The following IGF2BP2 variants were observed in gnomAD, a reference collection of about 807,000 sequenced individuals.
IGF2BP2 encodes the protein insulin like growth factor 2 mRNA binding protein 2.
Under a neutral mutation model 75.8 loss-of-function variants are expected in IGF2BP2, and 17 were observed. The ratio of observed to expected loss-of-function variants is 0.22; its 90% CI spans 0.15 to 0.34. The LOEUF (loss-of-function observed/expected upper bound fraction) is 0.34, where lower values mean the gene tolerates loss of function less well. IGF2BP2 is among the 10% of genes least tolerant of loss of function. The probability of loss-of-function intolerance (pLI) is 1.00; values close to 1 mark genes in which losing one functional copy is unlikely to be tolerated. For missense variants in IGF2BP2, 516 were observed against 772.4 expected (o/e 0.67, Z 3.93); for synonymous variants, 288 against 295.6 (o/e 0.97, Z 0.26).
intron 2 of IGF2BP2, among the ~76,000 whole-genome samples, chr3:185,721,680 A>T (rs187295720): frequency 6.6e-6 from 1 of 152,268 alleles, no homozygotes; most frequent in East Asian, 1.9e-4. Flanking sequence ...TATCAGTCTA[A>T]GCCTCAAGTA....
chr3:185,776,621 G>A (rs1240014881), intron 2 of IGF2BP2, among the ~76,000 whole-genome samples: 1 of 152,176 alleles, frequency 6.6e-6, no homozygotes, highest in Non-Finnish European at 1.5e-5. Context: ...TGTGAATCCA[G>A]GGTGAGGGCG....
intron 2 of IGF2BP2, among the ~76,000 whole-genome samples, chr3:185,735,366 G>A (rs970083215): frequency 6.6e-6 from 1 of 152,106 alleles, no homozygotes; most frequent in South Asian, 2.1e-4. Context: ...GGCTGGTCTT[G>A]AACTCCTGAC....
At chr3:185,760,014 G>C (rs1732142318) in intron 2 of IGF2BP2, among the ~76,000 whole-genome samples, 1 of 152,056 alleles carries the variant, frequency 6.6e-6, no homozygotes, top group African/African-American at 2.4e-5. Flanking sequence ...AAATACTTCA[G>C]TATATAAAAG....
intron 2 of IGF2BP2, among the ~76,000 whole-genome samples, chr3:185,721,444 C>A (rs372111866): frequency 6.6e-6 from 1 of 152,078 alleles, no homozygotes; most frequent in African/African-American, 2.4e-5. Flanking sequence ...TCAAGTGATC[C>A]GCCCGCCTCG....
At chr3:185,779,642 C>T (rs549016121) in intron 2 of IGF2BP2, among the ~76,000 whole-genome samples, 23 of 152,132 alleles carry the variant, frequency 1.5e-4, no homozygotes, top group Non-Finnish European at 3.2e-4. Flanking sequence ...GGCCTCATTC[C>T]AAACTTACTG....
At chr3:185,659,584 C>T (rs1191830138) in intron 10 of IGF2BP2, among the ~76,000 whole-genome samples, 2 of 151,550 alleles carry the variant, frequency 1.3e-5, no homozygotes, top group Non-Finnish European at 2.9e-5. Flanking sequence ...CCATGTTGGC[C>T]AGGCTGGTCT....
At chr3:185,666,072 T>C (rs1382545716) in intron 10 of IGF2BP2, among the ~76,000 whole-genome samples, 3 of 152,048 alleles carry the variant, frequency 2.0e-5, no homozygotes, top group Non-Finnish European at 4.4e-5. Flanking sequence ...ACTATGACCC[T>C]AGAATTTCTA....
intron 2 of IGF2BP2, among the ~76,000 whole-genome samples, chr3:185,822,543 C>A (rs1202235007): frequency 6.6e-6 from 1 of 152,040 alleles, no homozygotes; most frequent in Non-Finnish European, 1.5e-5. Context: ...TTATTTTAGC[C>A]GCAAACATTT....
intron 3 of IGF2BP2, 76 bp downstream of exon 3, chr3:185,698,223 T>C (rs1272468810): frequency 1.5e-6 from 2 of 1,331,040 alleles, no homozygotes; most frequent in Non-Finnish European, 2.2e-6. Flanking sequence ...TGAGGCCCTC[T>C]AATTCCTAAA....
At chr3:185,733,537 A>C (rs1728459928) in intron 2 of IGF2BP2, among the ~76,000 whole-genome samples, 1 of 152,208 alleles carries the variant, frequency 6.6e-6, no homozygotes, top group Non-Finnish European at 1.5e-5. Flanking sequence ...CAGGCGGATC[A>C]CCTGAGGTCG....
intron 1 of IGF2BP2, among the ~76,000 whole-genome samples, chr3:185,824,568 C>G (rs1741788191): frequency 7.8e-6 from 1 of 128,626 alleles, no homozygotes; most frequent in African/African-American, 3.1e-5. Context: ...GCTGCGGCCC[C>G]GAGGGCGAGG....
intron 6 of IGF2BP2, among the ~76,000 whole-genome samples, chr3:185,688,490 G>T (rs1162798656): frequency 6.6e-6 from 1 of 152,164 alleles, no homozygotes; most frequent in Non-Finnish European, 1.5e-5. Flanking sequence ...TTACAGGCGT[G>T]AGCCACCACA....
At chr3:185,680,248 T>C (rs529440839) in intron 7 of IGF2BP2, among the ~76,000 whole-genome samples, 21 of 152,146 alleles carry the variant, frequency 1.4e-4, no homozygotes, top group African/African-American at 4.8e-4. Context: ...CCTACCAAGA[T>C]TGAATCATGA....
intron 2 of IGF2BP2, among the ~76,000 whole-genome samples, chr3:185,797,305 C>T (rs574575917): frequency 2.5e-4 from 38 of 152,296 alleles, no homozygotes; most frequent in Middle Eastern, 3.4e-3. Context: ...AGTGTCCTAT[C>T]CAGAGCCACA....
chr3:185,814,527 C>T (rs1475703656), intron 2 of IGF2BP2, among the ~76,000 whole-genome samples: 3 of 151,982 alleles, frequency 2.0e-5, no homozygotes, highest in African/African-American at 4.8e-5. Flanking sequence ...AATCACCACT[C>T]GATTTTTTGT....
chr3:185,694,205 C>A (rs1294030540), intron 4 of IGF2BP2, among the ~76,000 whole-genome samples: 1 of 152,146 alleles, frequency 6.6e-6, no homozygotes, highest in Non-Finnish European at 1.5e-5. Flanking sequence ...CCTCACAGTG[C>A]AAAACAGGGG....
At chr3:185,728,684 CAG>C (rs1727707623) in intron 2 of IGF2BP2, 2 of 152,146 alleles carry the variant, frequency 1.3e-5, no homozygotes, top group Admixed American at 6.5e-5. Context: ...ATCCATTTTA[CAG>C]AGAGTACACA....
intron 2 of IGF2BP2, among the ~76,000 whole-genome samples, chr3:185,762,315 G>C (rs151095132): frequency 6.7e-6 from 1 of 149,388 alleles, no homozygotes; most frequent in African/African-American, 2.5e-5. Flanking sequence ...ATCACCTGAG[G>C]TCAGGAGTTC....
chr3:185,804,700 C>T (rs1738760578), intron 2 of IGF2BP2, among the ~76,000 whole-genome samples: 1 of 151,974 alleles, frequency 6.6e-6, no homozygotes, highest in South Asian at 2.1e-4. Flanking sequence ...TATTTAATTA[C>T]AATCATAGGC....
Sources: allele counts gnomAD v4.1 joint callset (sites outside exome capture counted in the v4.1 genomes callset), GRCh38; gene constraint gnomAD v4.1.1; transcripts MANE v1.5; gene names NCBI Gene and HGNC (gene_info 2026-07-23, HGNC 2026-07-21).